The following EBF2 variants were observed in gnomAD, a reference collection of about 807,000 sequenced individuals.
The protein encoded by EBF2 is transcription factor COE2.
In EBF2, 21 loss-of-function variants were observed where a neutral mutation model predicts 72.8. The observed-to-expected ratio is 0.29, with a 90% CI of 0.20 to 0.42. The LOEUF is 0.42. Ranked by LOEUF, EBF2 falls within the 10% of genes least tolerant of loss-of-function variation. The pLI is 1.00. For synonymous variants in EBF2, 299 were observed against 274.2 expected, an observed-to-expected ratio of 1.09 and a Z score of -0.89; for missense variants, 637 against 731.2, an observed-to-expected ratio of 0.87 and a Z score of 1.49.
intron 6 of EBF2, among the ~76,000 whole-genome samples, chr8:25,934,658 A>G (rs985340293): frequency 1.3e-5 from 2 of 152,146 alleles, no homozygotes; most frequent in East Asian, 1.9e-4. Context: ...AAAGTGACAC[A>G]ATGTGCATGG....
At chr8:25,852,883 A>AAAC (rs1802011465) in intron 14 of EBF2, among the ~76,000 whole-genome samples, 2 of 152,242 alleles carry the variant, frequency 1.3e-5, no homozygotes, top group African/African-American at 4.8e-5. Flanking sequence ...AGTTTTGTTT[A>AAAC]AAAACTTTTT....
At chr8:25,904,077 C>T (rs1050982491) in intron 7 of EBF2, among the ~76,000 whole-genome samples, 3 of 152,042 alleles carry the variant, frequency 2.0e-5, no homozygotes, top group Non-Finnish European at 4.4e-5. Flanking sequence ...GCCTATTGGG[C>T]TTTAAATGAA....
intron 6 of EBF2, among the ~76,000 whole-genome samples, chr8:25,915,542 A>G (rs1803199156): frequency 6.6e-6 from 1 of 151,912 alleles, no homozygotes; most frequent in Non-Finnish European, 1.5e-5. Flanking sequence ...TATTCAGAAA[A>G]CAAAACTTCT....
chr8:25,986,228 C>T (rs57624641), intron 6 of EBF2, among the ~76,000 whole-genome samples: 80 of 152,132 alleles, frequency 5.3e-4, no homozygotes, highest in African/African-American at 1.8e-3. Context: ...CCTTTGTTCA[C>T]GCAATAGCCC....
intron 6 of EBF2, among the ~76,000 whole-genome samples, chr8:26,005,249 T>A (rs1457305382): frequency 1.7e-5 from 1 of 57,544 alleles, no homozygotes; most frequent in African/African-American, 7.6e-5. Flanking sequence ...ATATATACAT[T>A]TTATTATATA....
In EBF2 at chr8:26,028,198, G is replaced by A. The variant is rs945230346; in HGVS notation, c.551+4887C>T. 3.3e-5 allele frequency among the ~76,000 whole-genome samples: 5 copies of A among 152,146 alleles called. No homozygotes were observed. The South Asian group carries it at 1.0e-3, about 32-fold the overall frequency. Reference sequence around the variant, plus strand: ...ACCCTTCATGGGCAAATAAACTTCAGTTTATTCAGATCTTTTTGAATAAAC... The same window carrying A: ...ACCCTTCATGGGCAAATAAACTTCAATTTATTCAGATCTTTTTGAATAAAC... On this transcript the variant is annotated intron_variant, in intron 6 of 15. Transcript: ENST00000520164.
At chr8:25,969,371 C>T (rs1804158506) in intron 6 of EBF2, among the ~76,000 whole-genome samples, 1 of 152,204 alleles carries the variant, frequency 6.6e-6, no homozygotes, top group Non-Finnish European at 1.5e-5. Context: ...GATCAATCAC[C>T]TGTTTCAGAA....
chr8:26,018,787 C>T (rs1021875852), intron 6 of EBF2, among the ~76,000 whole-genome samples: 3 of 151,996 alleles, frequency 2.0e-5, no homozygotes, highest in Non-Finnish European at 2.9e-5. Context: ...GTGAAGAGGT[C>T]CCTGAGCTTG....
chr8:26,040,178 G>A, intron 4 of EBF2, 77 bp from the exon 5 acceptor site: 3 of 1,447,426 alleles, frequency 2.1e-6, no homozygotes, highest in Non-Finnish European at 2.9e-6. Context: ...TTCAGAACAA[G>A]CACAACATCG....
At chr8:25,958,362 A>G (rs944223395) in intron 6 of EBF2, among the ~76,000 whole-genome samples, 1 of 152,030 alleles carries the variant, frequency 6.6e-6, no homozygotes, top group Non-Finnish European at 1.5e-5. Context: ...AAGTTTTGCT[A>G]AACATAAATG....
intron 6 of EBF2, among the ~76,000 whole-genome samples, chr8:25,992,333 CA>C (rs36020598): frequency 2.0e-3 from 106 of 52,548 alleles, no homozygotes; most frequent in African/African-American, 7.3e-3. Flanking sequence ...GACTCTGTCT[CA>C]AAAAAAAAAA....
At chr8:25,909,406 T>TAAAA (rs5890265) in intron 6 of EBF2, among the ~76,000 whole-genome samples, 205 of 147,522 alleles carry the variant, frequency 1.4e-3, no homozygotes, top group African/African-American at 4.6e-3. Flanking sequence ...TCCTTTCCCT[T>TAAAA]AAAAAAAAAA....
rs375724577 is a variant in EBF2 at position 25,889,807 on chromosome 8, A to T, written c.696T>A (p.Phe232Leu). 1 of 1,613,972 alleles carries T rather than the reference A, an allele frequency of 6.2e-7. No homozygotes were observed. The highest frequency in any genetic ancestry group is 1.3e-5 in the African/African-American group (1 of 74,914). Residue 232 changes from phenylalanine (F) to leucine (L), a missense_variant, in exon 8 of 16, where the codon TTT (phenylalanine) becomes TTA (leucine). Around this residue, in one of 3 missense-constraint regions of EBF2, gnomAD observed 204 missense variants for 301.2 expected, o/e 0.68. Coordinates refer to ENST00000520164, the MANE Select transcript of EBF2 (RefSeq NM_022659.4). Reference sequence around the variant, plus strand: ...GTCCATGCTTGGAGTTGTTATGAACAAACATGTTGTCAGAAACAGCCAGGA... The same window carrying T: ...GTCCATGCTTGGAGTTGTTATGAACTAACATGTTGTCAGAAACAGCCAGGA... ...GHVLAVSDNM[F>L]VHNNSKHGRR...
chr8:25,912,499 A>ACAC lies in EBF2; in HGVS notation c.552-3945_552-3944insGTG, dbSNP rs1375819188. On this transcript the variant is annotated intron_variant, in intron 6 of 15. Transcript: ENST00000520164. ...ACACACACACACACACACACACACAACAGGAAGAATAAATCAGGAGAAAAA... is the reference window on the plus strand; with the variant it reads ...ACACACACACACACACACACACACAACACCAGGAAGAATAAATCAGGAGAAAAA... Among the ~76,000 whole-genome samples, 6 of 72,776 alleles carry ACAC rather than the reference A, an allele frequency of 8.2e-5. No homozygotes were observed. In the East Asian group the frequency reaches 3.3e-3, roughly 40 times the overall value. 47.7% of individuals were successfully genotyped at this position (72,776 alleles called of 152,430 possible). A position where few individuals can be genotyped will look rare whatever the true frequency, so the allele number is the denominator to read the frequency against.
chr8:26,005,279 T>TTATTAATTATATATTA (rs1563205531), intron 6 of EBF2, among the ~76,000 whole-genome samples: 27 of 2,188 alleles, frequency 0.012, 4 homozygotes, highest in African/African-American at 0.023. Context: ...ATATATATAA[T>TTATTAATTATATATTA]TATATAATTA....
chr8:26,042,274 G>A (rs749130979), intron 1 of EBF2, 23 bp from the exon 2 acceptor site: 1 of 1,602,854 alleles, frequency 6.2e-7, no homozygotes, highest in South Asian at 1.1e-5. Flanking sequence ...AAAAACGGGG[G>A]AACACAAGAC....
At chr8:25,938,247 G>C (rs969307506) in intron 6 of EBF2, among the ~76,000 whole-genome samples, 5 of 151,576 alleles carry the variant, frequency 3.3e-5, no homozygotes, top group African/African-American at 9.7e-5. Context: ...TTTTTCAAGA[G>C]ATCAGAATTC....
In EBF2 at chr8:25,989,945, A is replaced by G. The variant is rs570732541; in HGVS notation, c.551+43140T>C. 5.2e-4 allele frequency among the ~76,000 whole-genome samples: 79 copies of G among 152,264 alleles called. 1 individual carries two copies. Among genetic ancestry groups the G allele is most frequent in the Middle Eastern group, 3.4e-3 (1 of 294 alleles). ...CTAGGGGTCAACTTCTAGAGCCTAA[A>G]GCTGCATTAGGATTGGCTTGGGGAT... On this transcript the variant is annotated intron_variant, in intron 6 of 15. Transcript: ENST00000520164.
chr8:26,029,162 G>A (rs563202240), intron 6 of EBF2, among the ~76,000 whole-genome samples: 21 of 152,132 alleles, frequency 1.4e-4, no homozygotes, highest in Non-Finnish European at 2.5e-4. Flanking sequence ...CAATTAAAGG[G>A]CCACAAAGTA....
Sources: gnomAD v4.1 joint callset for allele counts (sites outside exome capture counted in the v4.1 genomes callset) on GRCh38, gnomAD v4.1.1 for gene constraint, gnomAD v4.1.1 regional missense constraint, MANE v1.5 for transcripts, NCBI Gene and HGNC (gene_info 2026-07-23, HGNC 2026-07-21) for gene names.